The following THSD7A variants were observed in gnomAD, a reference collection of about 807,000 sequenced individuals.
THSD7A encodes the protein thrombospondin type 1 domain containing 7A.
A neutral mutation model predicts 231.3 loss-of-function variants in THSD7A; 96 were observed. That is an observed-to-expected ratio of 0.41 (90% CI 0.35 to 0.49). THSD7A has a LOEUF of 0.49. Ranked by LOEUF, THSD7A falls within the 20% of genes least tolerant of loss-of-function variation. The pLI, the probability that THSD7A is intolerant of heterozygous loss-of-function variation, is 0.05. For synonymous variants in THSD7A, 940 were observed against 743.3 expected, an observed-to-expected ratio of 1.26 and a Z score of -4.30; for missense variants, 2,290 against 2,070.2, an observed-to-expected ratio of 1.11 and a Z score of -2.06.
At chr7:11,704,469 G>A (rs17165069) in intron 1 of THSD7A, among the ~76,000 whole-genome samples, 40,742 of 150,400 alleles carry the variant, frequency 0.27, 5,736 homozygotes, top group African/African-American at 0.32. Flanking sequence ...TCTTAAAACA[G>A]TATCTCTCCT....
intron 1 of THSD7A, among the ~76,000 whole-genome samples, chr7:11,710,513 T>C (rs901456489): frequency 9.3e-5 from 14 of 150,776 alleles, no homozygotes; most frequent in African/African-American, 3.2e-4. Flanking sequence ...CCCAAGGAAG[T>C]AGAGGCCAGA....
chr7:11,692,983 C>T (rs1427695523), intron 1 of THSD7A, among the ~76,000 whole-genome samples: 2 of 151,402 alleles, frequency 1.3e-5, no homozygotes, highest in African/African-American at 4.8e-5. Flanking sequence ...GTATCTCATG[C>T]TATAAGGTTT....
intron 1 of THSD7A, among the ~76,000 whole-genome samples, chr7:11,800,639 T>G (rs1015376395): frequency 6.6e-6 from 1 of 152,196 alleles, no homozygotes; most frequent in African/African-American, 2.4e-5. Flanking sequence ...CAGAGGGCAT[T>G]TACTGTATGA....
At chr7:11,435,515 T>C (rs1009719696) in intron 13 of THSD7A, among the ~76,000 whole-genome samples, 7 of 152,078 alleles carry the variant, frequency 4.6e-5, no homozygotes, top group Non-Finnish European at 1.0e-4. Context: ...TCTTCAGTCA[T>C]GCCTATATAA....
chr7:11,428,911 C>T (rs771145220), intron 14 of THSD7A, 36 bp downstream of exon 14: 6 of 1,560,070 alleles, frequency 3.8e-6, no homozygotes, highest in Non-Finnish European at 5.2e-6. Flanking sequence ...TTGTGAATCT[C>T]AACAATATCT....
At chr7:11,825,680 T>A (rs765942624) in intron 1 of THSD7A, among the ~76,000 whole-genome samples, 10 of 152,080 alleles carry the variant, frequency 6.6e-5, no homozygotes, top group Non-Finnish European at 1.3e-4. Flanking sequence ...AAAACCCCTA[T>A]AGAATGCATC....
chr7:11,556,453 A>G (rs1240902357), intron 4 of THSD7A, among the ~76,000 whole-genome samples: 2 of 151,822 alleles, frequency 1.3e-5, no homozygotes, highest in Non-Finnish European at 2.9e-5. Context: ...ACGTATTTTT[A>G]GAATCATATC....
In THSD7A at chr7:11,674,720, G is replaced by A. The variant is rs191635790; in HGVS notation, c.191-37759C>T. Among the ~76,000 whole-genome samples, 3 of 152,254 alleles carry A rather than the reference G, an allele frequency of 2.0e-5. No individual in the cohort carries two copies. The East Asian group carries it at 5.8e-4, about 30-fold the overall frequency. On this transcript the variant is annotated intron_variant, in intron 1 of 27. Coordinates refer to ENST00000423059, the MANE Select transcript of THSD7A (RefSeq NM_015204.3). ...AGCATTAGCTCTCTCAGGTGAGAAG[G>A]AATCAGTGCAAGAAATCCAGCTATA...
intron 23 of THSD7A, among the ~76,000 whole-genome samples, chr7:11,398,272 A>C (rs150191637): frequency 1.1e-4 from 16 of 152,158 alleles, no homozygotes; most frequent in African/African-American, 3.9e-4. Flanking sequence ...CATTCTCAGC[A>C]AACTAACACA....
intron 1 of THSD7A, chr7:11,820,370 T>C (rs1335099888): frequency 4.0e-6 from 5 of 1,237,724 alleles, no homozygotes; most frequent in South Asian, 1.8e-5. Context: ...TCTGTCCCAC[T>C]CTTGTCGTCT....
intron 1 of THSD7A, among the ~76,000 whole-genome samples, chr7:11,746,741 T>C (rs148736977): frequency 5.3e-5 from 8 of 151,964 alleles, no homozygotes; most frequent in Admixed American, 5.3e-4. Flanking sequence ...TATTCCACTA[T>C]AAAGTTATTA....
Position 11,636,392 on chromosome 7 carries a change from T to C in THSD7A, c.760A>G (p.Ser254Gly). Residue 254 changes from serine to glycine, a missense_variant, in exon 2 of 28, where the codon AGC (serine) becomes GGC (glycine). Physicochemically the swap from Ser to Gly is moderately conservative, Grantham distance 56. Transcript: ENST00000423059. The surrounding 1 kb of genome is among the most constrained non-coding windows in gnomAD (Gnocchi z 10.0). ...GTGCTCCAGGGCCCCACATGCAGGC[T>C]GTACCTGAGCTCCTCGGCCTCGCAT... is the stretch of plus-strand genomic sequence containing the variant. ...SPCEAEELRY[S>G]LHVGPWSTCS... 6.2e-7 allele frequency: 1 copy of C among 1,613,866 alleles called. No individual in the cohort carries two copies. The highest frequency in any genetic ancestry group is 1.1e-5 in the South Asian group (1 of 91,090).
chr7:11,756,876 A>G lies in THSD7A; in HGVS notation c.190+74881T>C, dbSNP rs574769333. ...TTTTAAAGAGGACATTTTTAGCCTG[A>G]AGTTGTTTCTAGGGTTTTGAGATTA... On this transcript the variant is annotated intron_variant, in intron 1 of 27. Transcript: ENST00000423059. 4.6e-5 allele frequency among the ~76,000 whole-genome samples: 7 copies of G among 152,094 alleles called. No homozygotes were observed. In the South Asian group the frequency reaches 1.5e-3, roughly 32 times the overall value.
chr7:11,402,698 C>T (rs1299198291), intron 22 of THSD7A, among the ~76,000 whole-genome samples: 2 of 152,150 alleles, frequency 1.3e-5, no homozygotes, highest in East Asian at 3.8e-4. Flanking sequence ...CAAAACCCTC[C>T]CTTGTGTGAT....
intron 1 of THSD7A, among the ~76,000 whole-genome samples, chr7:11,718,579 T>A (rs1178156526): frequency 2.0e-5 from 3 of 151,686 alleles, no homozygotes; most frequent in Admixed American, 2.0e-4. Flanking sequence ...ATTATCTACA[T>A]TATTTTCCTT....
chr7:11,681,075 A>G (rs914855100), intron 1 of THSD7A, among the ~76,000 whole-genome samples: 4 of 152,128 alleles, frequency 2.6e-5, no homozygotes, highest in Non-Finnish European at 5.9e-5. Context: ...GCTGGAAACC[A>G]TCATTCTCAG....
intron 13 of THSD7A, among the ~76,000 whole-genome samples, chr7:11,439,246 A>G (rs1784727759): frequency 6.6e-6 from 1 of 152,032 alleles, no homozygotes; most frequent in African/African-American, 2.4e-5. Flanking sequence ...TAAGTATATT[A>G]GAATGTTTTA....
At chr7:11,773,573 A>G (rs1783306389) in intron 1 of THSD7A, among the ~76,000 whole-genome samples, 1 of 152,160 alleles carries the variant, frequency 6.6e-6, no homozygotes, top group African/African-American at 2.4e-5. Context: ...ACAAACATTA[A>G]TAATTATGGT....
intron 17 of THSD7A, chr7:11,413,806 A>T (rs1250649110): frequency 6.6e-6 from 1 of 152,266 alleles, no homozygotes; most frequent in East Asian, 1.9e-4. Context: ...TGCATGTCTA[A>T]CACCCAGGGC....
Sources: gnomAD v4.1 joint callset for allele counts (sites outside exome capture counted in the v4.1 genomes callset) on GRCh38, gnomAD v4.1.1 for gene constraint, Gnocchi (gnomAD v3.1) non-coding constraint, MANE v1.5 for transcripts, NCBI Gene and HGNC (gene_info 2026-07-23, HGNC 2026-07-21) for gene names.